AGBL1: variants seen among roughly 807,000 people sequenced by gnomAD.
The protein encoded by AGBL1 is AGBL carboxypeptidase 1, also known as cytosolic carboxypeptidase 4.
Under a neutral mutation model 118.9 loss-of-function variants are expected in AGBL1, and 130 were observed. The observed-to-expected ratio is 1.09, with a 90% confidence interval of 0.95 to 1.26. The LOEUF (loss-of-function observed/expected upper bound fraction) is 1.26, where lower values mean the gene tolerates loss of function less well. Among genes scored for constraint, AGBL1 ranks in the 50% most tolerant of loss-of-function variants. The pLI, the probability that AGBL1 is intolerant of heterozygous loss-of-function variation, is 0.00. For missense variants in AGBL1, 1,584 were observed against 1,298.1 expected (o/e 1.22, Z -3.38); for synonymous variants, 555 against 478.9 (o/e 1.16, Z -2.08).
At chr15:86,689,240 T>G (rs1483082239) in intron 22 of AGBL1, among the ~76,000 whole-genome samples, 1 of 152,138 alleles carries the variant, frequency 6.6e-6, no homozygotes, top group African/African-American at 2.4e-5. Flanking sequence ...CATTCAAGTC[T>G]CAGCTTAAAT....
In AGBL1 at chr15:86,671,805, G is replaced by A. The variant is rs569818205; in HGVS notation, c.2995-2468G>A. On this transcript the variant is annotated intron_variant, in intron 21 of 22. Coordinates refer to ENST00000614907, the MANE Select transcript of AGBL1 (RefSeq NM_001386094.1). ...TAAAAATCCATCCATGCCTCTCCACGTCCACTCATTTAGAGTCGCTATTTA... is the reference window on the plus strand; with the variant it reads ...TAAAAATCCATCCATGCCTCTCCACATCCACTCATTTAGAGTCGCTATTTA... Among the ~76,000 whole-genome samples, 10 of 152,194 alleles carry A rather than the reference G, an allele frequency of 6.6e-5. No individual in the cohort carries two copies. The East Asian group carries it at 1.5e-3, about 24-fold the overall frequency.
At chr15:86,430,054 G>A (rs953044744) in intron 18 of AGBL1, among the ~76,000 whole-genome samples, 1 of 152,110 alleles carries the variant, frequency 6.6e-6, no homozygotes. Flanking sequence ...AAGACATTGC[G>A]AATCAAAGCA....
chr15:86,184,461 C>G (rs2077600132), intron 5 of AGBL1, among the ~76,000 whole-genome samples: 1 of 146,270 alleles, frequency 6.8e-6, no homozygotes, highest in African/African-American at 2.5e-5. Flanking sequence ...CTCAAGAGGG[C>G]AAACAGCTTA....
At chr15:87,000,400 T>C (rs2081423959) in intron 24 of AGBL1, among the ~76,000 whole-genome samples, 1 of 132,606 alleles carries the variant, frequency 7.5e-6, no homozygotes, top group African/African-American at 3.1e-5. Flanking sequence ...CAATTGATTT[T>C]TGTATAAGGT....
chr15:86,588,933 A>C (rs2084294084), intron 21 of AGBL1, among the ~76,000 whole-genome samples: 1 of 152,212 alleles, frequency 6.6e-6, no homozygotes, highest in Non-Finnish European at 1.5e-5. Flanking sequence ...CTGATCATAA[A>C]AGATCTAAAG....
intron 21 of AGBL1, among the ~76,000 whole-genome samples, chr15:86,662,481 C>T (rs2085562255): frequency 6.6e-6 from 1 of 152,196 alleles, no homozygotes; most frequent in African/African-American, 2.4e-5. Context: ...GAGCTGACTA[C>T]CAAAATACTC....
In AGBL1 at chr15:86,611,292, G is replaced by T. The variant is rs188578797; in HGVS notation, c.2994+56755G>T. 3.3e-5 allele frequency among the ~76,000 whole-genome samples: 5 copies of T among 152,288 alleles called. No individual in the cohort carries two copies. The East Asian group carries it at 5.8e-4, about 18-fold the overall frequency. ...ATTCAGCAACTTTTTATTGTCTAAA[G>T]AGTGTCACCAATATATTTGCATATT... On this transcript the variant is annotated intron_variant, in intron 21 of 22. Transcript: ENST00000614907.
At chr15:87,025,618 C>A (rs1483960424) in intron 24 of AGBL1, among the ~76,000 whole-genome samples, 1 of 151,854 alleles carries the variant, frequency 6.6e-6, no homozygotes, top group African/African-American at 2.4e-5. Context: ...CAAAATACCA[C>A]CATCATTCTT....
At chr15:86,787,992 G>GCC (rs1444545484) in intron 22 of AGBL1, among the ~76,000 whole-genome samples, 1 of 152,000 alleles carries the variant, frequency 6.6e-6, no homozygotes, top group Non-Finnish European at 1.5e-5. Flanking sequence ...CTTTTTGAAG[G>GCC]CCACCTTCTT....
intron 21 of AGBL1, among the ~76,000 whole-genome samples, chr15:86,581,190 T>A (rs1442218352): frequency 6.6e-6 from 1 of 152,182 alleles, no homozygotes; most frequent in African/African-American, 2.4e-5. Context: ...ACGTGAGAAG[T>A]TGTATTTCTA....
chr15:86,535,604 TCA>T (rs1409764458), intron 19 of AGBL1, among the ~76,000 whole-genome samples: 2 of 152,214 alleles, frequency 1.3e-5, no homozygotes, highest in African/African-American at 4.8e-5. Context: ...TGTTTATAAC[TCA>T]CACAAACTGA....
At chr15:86,672,449 A>T (rs1335637569) in intron 21 of AGBL1, among the ~76,000 whole-genome samples, 1 of 152,200 alleles carries the variant, frequency 6.6e-6, no homozygotes, top group Admixed American at 6.5e-5. Context: ...TAACCTCTAC[A>T]GAGCACCTGT....
chr15:86,326,864 C>T (rs1373435009), intron 17 of AGBL1, among the ~76,000 whole-genome samples: 1 of 151,822 alleles, frequency 6.6e-6, no homozygotes, highest in African/African-American at 2.4e-5. Context: ...TAGTCATGAA[C>T]TTCTAACCAT....
At chr15:86,129,519 T>C (rs1039540868) in intron 1 of AGBL1, among the ~76,000 whole-genome samples, 2 of 152,218 alleles carry the variant, frequency 1.3e-5, no homozygotes, top group Non-Finnish European at 2.9e-5. Context: ...CCGGGAGGAA[T>C]AGTATGTTAC....
intron 6 of AGBL1, among the ~76,000 whole-genome samples, chr15:86,238,591 A>G (rs1371174709): frequency 6.6e-6 from 1 of 152,222 alleles, no homozygotes; most frequent in Admixed American, 6.5e-5. Context: ...TGTGAGGTGT[A>G]TGCCATTTTT....
intron 17 of AGBL1, among the ~76,000 whole-genome samples, chr15:86,338,781 C>T (rs989803978): frequency 2.6e-5 from 4 of 152,084 alleles, no homozygotes; most frequent in Admixed American, 1.3e-4. Flanking sequence ...CAGTCATCCA[C>T]GTAAAGCTAG....
intron 22 of AGBL1, among the ~76,000 whole-genome samples, chr15:86,845,984 C>T (rs761656049): frequency 5.3e-5 from 8 of 152,152 alleles, no homozygotes; most frequent in African/African-American, 1.2e-4. Flanking sequence ...AGAGCACCTT[C>T]GACACATGCC....
chr15:86,933,728 G>T (rs1306272834), intron 23 of AGBL1, among the ~76,000 whole-genome samples: 1 of 152,126 alleles, frequency 6.6e-6, no homozygotes, highest in Admixed American at 6.5e-5. Flanking sequence ...CCGTGTATCC[G>T]GTTCCTTCAA....
intron 19 of AGBL1, among the ~76,000 whole-genome samples, chr15:86,525,459 C>A (rs1483076406): frequency 6.6e-6 from 1 of 152,028 alleles, no homozygotes; most frequent in Non-Finnish European, 1.5e-5. Context: ...AATCTGAAGG[C>A]ATCACATTAC....
Sources: allele counts gnomAD v4.1 joint callset (sites outside exome capture counted in the v4.1 genomes callset), GRCh38; gene constraint gnomAD v4.1.1; transcripts MANE v1.5; gene names NCBI Gene and HGNC (gene_info 2026-07-23, HGNC 2026-07-21).